BRD7: variants seen among roughly 807,000 people sequenced by gnomAD.
The protein encoded by BRD7 is bromodomain-containing protein 7.
Under a neutral mutation model 82.1 loss-of-function variants are expected in BRD7, and 15 were observed. The ratio of observed to expected loss-of-function variants is 0.18; its 90% CI spans 0.12 to 0.28. The LOEUF is 0.28. BRD7 is among the 10% of genes least tolerant of loss of function. The pLI is 1.00. For missense variants in BRD7, 638 were observed against 779.9 expected (o/e 0.82, Z 2.17); for synonymous variants, 232 against 266.9 (o/e 0.87, Z 1.27).
chr16:50,330,415 A>G (rs114315809), intron 8 of BRD7, among the ~76,000 whole-genome samples: 1,582 of 147,572 alleles, frequency 0.011, 30 homozygotes, highest in African/African-American at 0.038. Flanking sequence ...ATCTTGGCTC[A>G]CTGCAACCTC....
chr16:50,321,874 CACTA>C, intron 13 of BRD7, 104 bp downstream of exon 13: 1 of 991,282 alleles, frequency 1.0e-6, no homozygotes, highest in East Asian at 2.5e-5. Context: ...CAACTCTACT[CACTA>C]ACCTTTTTCC....
intron 5 of BRD7, among the ~76,000 whole-genome samples, chr16:50,342,613 G>C (rs931905944): frequency 1.4e-4 from 21 of 151,954 alleles, no homozygotes; most frequent in African/African-American, 5.1e-4. Context: ...AGTAGAGACG[G>C]GGTTTCACTG....
intron 6 of BRD7, among the ~76,000 whole-genome samples, chr16:50,336,806 A>G (rs1166255865): frequency 3.3e-5 from 5 of 152,226 alleles, no homozygotes; most frequent in Non-Finnish European, 7.3e-5. Context: ...AAGTTTCTAA[A>G]CCTTGAAACA....
chr16:50,368,034 G>A, intron 2 of BRD7, 56 bp downstream of exon 2: 2 of 1,356,892 alleles, frequency 1.5e-6, no homozygotes, highest in Non-Finnish European at 2.1e-6. Context: ...AAATGAGGTT[G>A]GCACCTGGAA....
At chr16:50,320,808 G>A (rs372678031) in intron 13 of BRD7, 34 bp from the exon 14 acceptor site, 15 of 1,438,578 alleles carry the variant, frequency 1.0e-5, no homozygotes, top group Middle Eastern at 1.7e-4. Flanking sequence ...AATTACTGGC[G>A]CTTGCTAAGC....
intron 6 of BRD7, among the ~76,000 whole-genome samples, chr16:50,337,793 G>A (rs999379831): frequency 6.6e-5 from 10 of 151,952 alleles, no homozygotes; most frequent in Non-Finnish European, 1.3e-4. Context: ...CTGTTGTGAC[G>A]ACCCCTCCCC....
At chr16:50,360,909 A>C (rs1481327311) in intron 2 of BRD7, among the ~76,000 whole-genome samples, 2 of 152,176 alleles carry the variant, frequency 1.3e-5, no homozygotes, top group African/African-American at 2.4e-5. Context: ...AGAAAGGGGG[A>C]GGGTTTTCTG....
intron 5 of BRD7, among the ~76,000 whole-genome samples, chr16:50,342,369 A>G (rs765794360): frequency 3.9e-5 from 6 of 152,086 alleles, no homozygotes; most frequent in Non-Finnish European, 5.9e-5. Context: ...TAAACTCAAC[A>G]GTAAAGAGCA....
intron 11 of BRD7, 131 bp downstream of exon 11, chr16:50,325,617 T>A: frequency 2.6e-6 from 2 of 756,386 alleles, no homozygotes; most frequent in South Asian, 4.6e-5. Context: ...TCCATTATTG[T>A]CAGCTTAAAA....
Position 50,318,912 on chromosome 16 carries a change from T to G in BRD7, c.*299A>C. 69 of 270,696 alleles carry G rather than the reference T, an allele frequency of 2.5e-4. No individual in the cohort carries two copies. The highest frequency in any genetic ancestry group is 1.1e-3 in the Middle Eastern group (1 of 898). The allele number at this position is 270,696 out of a possible 1,614,324, so 16.8% of individuals were successfully genotyped here. A position where few individuals can be genotyped will look rare whatever the true frequency, so the allele number is the denominator to read the frequency against. ...GGAAAATCTCACTGGATGGGGCCGTTTTAAGAACGCTTCTTAGTGATGATC... is the reference window on the plus strand; with the variant it reads ...GGAAAATCTCACTGGATGGGGCCGTGTTAAGAACGCTTCTTAGTGATGATC... On this transcript the variant is annotated 3_prime_UTR_variant, in exon 17 of 17. Transcript: ENST00000394688.
rs147717632 is a variant in BRD7 at position 50,356,576 on chromosome 16, T to TA, written c.259-1655dup. On this transcript the variant is annotated intron_variant, in intron 2 of 16. Transcript: ENST00000394688. ...TGTAAGCATACATTGTTTACAGATG[T>TA]ATGCAGAACTTGTAATTATAAAAAC... 5.0e-3 allele frequency among the ~76,000 whole-genome samples: 762 copies of TA among 152,298 alleles called. 8 individuals are homozygous for TA. Among genetic ancestry groups the TA allele is most frequent in the African/African-American group, 0.017 (711 of 41,568 alleles).
At chr16:50,331,296 G>A (rs1036399347) in intron 8 of BRD7, among the ~76,000 whole-genome samples, 1 of 152,298 alleles carries the variant, frequency 6.6e-6, no homozygotes, top group Non-Finnish European at 1.5e-5. Flanking sequence ...ATTCTTCACA[G>A]ATTCAGAAAA....
intron 2 of BRD7, among the ~76,000 whole-genome samples, chr16:50,360,131 GTTCTACT>G (rs1376846553): frequency 6.6e-6 from 1 of 152,178 alleles, no homozygotes; most frequent in Non-Finnish European, 1.5e-5. Context: ...ACATTTGCCT[GTTCTACT>G]GGAGCTCCCT....
intron 5 of BRD7, among the ~76,000 whole-genome samples, chr16:50,345,035 C>T (rs909688343): frequency 7.9e-5 from 12 of 152,150 alleles, no homozygotes; most frequent in Non-Finnish European, 1.8e-4. Flanking sequence ...AGGTTACCCA[C>T]CAAAGGGAAG....
chr16:50,358,644 A>C (rs1017470861), intron 2 of BRD7, among the ~76,000 whole-genome samples: 2 of 152,212 alleles, frequency 1.3e-5, no homozygotes, highest in Non-Finnish European at 2.9e-5. Flanking sequence ...TAAGATGGTC[A>C]ATCATAAACT....
At chr16:50,323,393 C>T (rs1449798605) in intron 12 of BRD7, among the ~76,000 whole-genome samples, 194 bp downstream of exon 12, 1 of 152,160 alleles carries the variant, frequency 6.6e-6, no homozygotes, top group African/African-American at 2.4e-5. Context: ...ACGCTCAGGC[C>T]CTCACAGATC....
chr16:50,346,407 AATAACTAAG>A (rs2038284957), intron 5 of BRD7, among the ~76,000 whole-genome samples: 1 of 152,220 alleles, frequency 6.6e-6, no homozygotes, highest in Non-Finnish European at 1.5e-5. Flanking sequence ...GAAGGCAAGA[AATAACTAAG>A]ATCAGAGCAG....
At position 50,363,660 on chromosome 16, in the gene BRD7, T is replaced by TGTGTGTGTGTGC. The variant is rs138025982; in HGVS notation, c.258+4429_258+4430insGCACACACACAC. ...GTGTGTTTGTGTGTGTGTGTGTGTG[T>TGTGTGTGTGTGC]GCGCGCGCGCGCGTGCGCGTGTGCT... On this transcript the variant is annotated intron_variant, in intron 2 of 16. Coordinates refer to ENST00000394688, the MANE Select transcript of BRD7 (RefSeq NM_013263.5). Among the ~76,000 whole-genome samples, 652 of 102,488 alleles carry TGTGTGTGTGTGC rather than the reference T, an allele frequency of 6.4e-3. 3 individuals carry two copies. Among genetic ancestry groups the TGTGTGTGTGTGC allele is most frequent in the South Asian group, 0.015 (50 of 3,444 alleles). 67.2% of individuals were successfully genotyped at this position (102,488 alleles called of 152,430 possible).
chr16:50,348,953 G>GC (rs1165026994), intron 5 of BRD7: 1 of 152,224 alleles, frequency 6.6e-6, no homozygotes, highest in East Asian at 1.9e-4. Flanking sequence ...AGACACATGC[G>GC]CACGTATGTT....
Sources: gnomAD v4.1 joint callset for allele counts (sites outside exome capture counted in the v4.1 genomes callset) on GRCh38, gnomAD v4.1.1 for gene constraint, MANE v1.5 for transcripts, NCBI Gene and HGNC (gene_info 2026-07-23, HGNC 2026-07-21) for gene names.